The following SLC10A7 variants were observed in gnomAD, a reference collection of about 807,000 sequenced individuals.
The protein encoded by SLC10A7 is sodium/bile acid cotransporter 7.
In SLC10A7, 29 loss-of-function variants were observed where a neutral mutation model predicts 43.2. The ratio of observed to expected loss-of-function variants is 0.67; its 90% confidence interval spans 0.50 to 0.92. The LOEUF (loss-of-function observed/expected upper bound fraction) is 0.92. Ranked by LOEUF, SLC10A7 falls within the 40% of genes least tolerant of loss-of-function variation. The pLI, the probability that SLC10A7 is intolerant of heterozygous loss-of-function variation, is 0.00. For missense variants in SLC10A7, 295 were observed against 403.2 expected (o/e 0.73, Z 2.30); for synonymous variants, 152 against 144.8 (o/e 1.05, Z -0.35).
At chr4:146,288,424 G>A (rs958415546) in intron 9 of SLC10A7, among the ~76,000 whole-genome samples, 3 of 152,122 alleles carry the variant, frequency 2.0e-5, no homozygotes, top group African/African-American at 7.2e-5. Flanking sequence ...TTCCAAAAAC[G>A]GAACTGGAAA....
chr4:146,425,897 C>T (rs1729313705), intron 5 of SLC10A7, among the ~76,000 whole-genome samples: 1 of 152,184 alleles, frequency 6.6e-6, no homozygotes, highest in African/African-American at 2.4e-5. Flanking sequence ...TGAGAATTAC[C>T]TCCCTACCTC....
intron 5 of SLC10A7, among the ~76,000 whole-genome samples, chr4:146,416,364 T>A (rs183335399): frequency 1.3e-5 from 2 of 152,312 alleles, no homozygotes; most frequent in Admixed American, 6.5e-5. Flanking sequence ...TGACGTACTT[T>A]AAAATATTTG....
chr4:146,320,958 T>C (rs558978782), intron 6 of SLC10A7, among the ~76,000 whole-genome samples: 21 of 152,054 alleles, frequency 1.4e-4, no homozygotes, highest in Admixed American at 8.5e-4. Context: ...CAGGTTTTGA[T>C]TGGAGCAAGA....
chr4:146,331,601 T>C (rs1733540549), intron 5 of SLC10A7, among the ~76,000 whole-genome samples: 1 of 152,200 alleles, frequency 6.6e-6, no homozygotes, highest in Admixed American at 6.5e-5. Context: ...TTCAGTTAAA[T>C]AAATGTTTGA....
intron 4 of SLC10A7, among the ~76,000 whole-genome samples, chr4:146,500,514 T>C (rs1736300529): frequency 6.6e-6 from 1 of 152,156 alleles, no homozygotes; most frequent in South Asian, 2.1e-4. Flanking sequence ...TTATTATAAA[T>C]AAACAGCCCA....
Position 146,376,731 on chromosome 4 carries a change from A to C in SLC10A7, c.436-50735T>G, listed in dbSNP as rs182981093. On this transcript the variant is annotated intron_variant, in intron 5 of 11. Coordinates refer to ENST00000335472, the MANE Select transcript of SLC10A7 (RefSeq NM_001029998.6). ...ATTTCTTCAGCAAGGCCATTTTTAT[A>C]CTTTCTGCAGAAAGGGTACACTCAC... Among the ~76,000 whole-genome samples the C allele has an allele frequency of 1.5e-3, 235 of 152,260 alleles. 1 individual carries two copies. Among genetic ancestry groups the C allele is most frequent in the African/African-American group, 5.3e-3 (222 of 41,538 alleles).
At chr4:146,364,993 CAG>C (rs1030199861) in intron 5 of SLC10A7, among the ~76,000 whole-genome samples, 46 of 152,218 alleles carry the variant, frequency 3.0e-4, no homozygotes, top group African/African-American at 1.1e-3. Context: ...CTGCTCTCAT[CAG>C]AGAGTATCTA....
At position 146,283,233 on chromosome 4, in the gene SLC10A7, A is replaced by G. The variant is rs989678743; in HGVS notation, c.806T>C (p.Val269Ala). 10 of 1,613,540 alleles carry G rather than the reference A, an allele frequency of 6.2e-6. No individual in the cohort carries two copies. In the Middle Eastern group the frequency reaches 6.6e-4, roughly 107 times the overall value. The change falls in exon 10 of 12, where the codon GTG becomes GCG. Residue 269 changes from valine (V) to alanine (A), a missense_variant. Coordinates refer to ENST00000335472, the MANE Select transcript of SLC10A7 (RefSeq NM_001029998.6). ...NNSGFTPADT[V>A]AIIFCSTHKS... is the part of the protein sequence containing the mutation. ...GTGTGTAGAACAGAAAATGATAGCC[A>G]CTGTGTCTGCTGGTGTGAAACCCGA...
At chr4:146,328,661 C>T (rs1048859288) in intron 5 of SLC10A7, among the ~76,000 whole-genome samples, 3 of 152,104 alleles carry the variant, frequency 2.0e-5, no homozygotes, top group Non-Finnish European at 2.9e-5. Flanking sequence ...AGTCCCTATC[C>T]CCCAAAATGC....
At chr4:146,421,806 T>C (rs1212059887) in intron 5 of SLC10A7, among the ~76,000 whole-genome samples, 1 of 152,220 alleles carries the variant, frequency 6.6e-6, no homozygotes, top group Non-Finnish European at 1.5e-5. Context: ...CAGGTTGACC[T>C]TCTCCACTTG....
Position 146,319,050 on chromosome 4 carries a change from A to C in SLC10A7, c.471+6911T>G, listed in dbSNP as rs550170682. 3.9e-5 allele frequency among the ~76,000 whole-genome samples: 6 copies of C among 152,124 alleles called. No individual in the cohort carries two copies. The South Asian group carries it at 1.2e-3, about 32-fold the overall frequency. On this transcript the variant is annotated intron_variant, in intron 6 of 11. Coordinates refer to ENST00000335472, the MANE Select transcript of SLC10A7 (RefSeq NM_001029998.6). ...AATCTGTTCTCAGTCCAGCATCCAG[A>C]ATCATTCTTTAAAAAAGTACAGCAG...
intron 6 of SLC10A7, among the ~76,000 whole-genome samples, chr4:146,318,397 C>T (rs1296497304): frequency 6.6e-6 from 1 of 152,058 alleles, no homozygotes; most frequent in Non-Finnish European, 1.5e-5. Context: ...TTAGCAGCAA[C>T]TGAAGTAGTT....
At chr4:146,414,524 G>A (rs1728433329) in intron 5 of SLC10A7, among the ~76,000 whole-genome samples, 1 of 152,060 alleles carries the variant, frequency 6.6e-6, no homozygotes, top group South Asian at 2.1e-4. Context: ...AGGAGTTCGA[G>A]ACTAGCCTGG....
chr4:146,467,828 G>T (rs1733185120), intron 4 of SLC10A7, among the ~76,000 whole-genome samples: 1 of 152,132 alleles, frequency 6.6e-6, no homozygotes, highest in South Asian at 2.1e-4. Flanking sequence ...CTCCCAAAGT[G>T]CTGGGATTAC....
chr4:146,388,797 C>G (rs1252287608), intron 5 of SLC10A7, among the ~76,000 whole-genome samples: 1 of 150,338 alleles, frequency 6.7e-6, no homozygotes, highest in Admixed American at 6.6e-5. Context: ...TAGAAGAAAA[C>G]CTAGGAAAGA....
At chr4:146,450,565 G>A (rs541170783) in intron 4 of SLC10A7, among the ~76,000 whole-genome samples, 2 of 152,286 alleles carry the variant, frequency 1.3e-5, no homozygotes, top group African/African-American at 4.8e-5. Context: ...ACAGGCTTTG[G>A]CCTGCAAAGG....
At chr4:146,521,498 TG>T in intron 1 of SLC10A7, 119 bp downstream of exon 1, 1 of 759,922 alleles carries the variant, frequency 1.3e-6, no homozygotes, top group Non-Finnish European at 2.2e-6. Flanking sequence ...GGCCAAAGGC[TG>T]GTCAGTGCCC....
intron 6 of SLC10A7, among the ~76,000 whole-genome samples, chr4:146,315,635 CTG>C (rs1732276121): frequency 6.6e-6 from 1 of 152,106 alleles, no homozygotes; most frequent in African/African-American, 2.4e-5. Flanking sequence ...TGAAATATAA[CTG>C]TGAAATTATA....
intron 4 of SLC10A7, among the ~76,000 whole-genome samples, chr4:146,469,767 C>A (rs1733392315): frequency 6.6e-6 from 1 of 152,014 alleles, no homozygotes; most frequent in African/African-American, 2.4e-5. Flanking sequence ...TAGTTTGGAC[C>A]ACAGGTGCAT....
Sources: allele counts gnomAD v4.1 joint callset (sites outside exome capture counted in the v4.1 genomes callset), GRCh38; gene constraint gnomAD v4.1.1; transcripts MANE v1.5; gene names NCBI Gene and HGNC (gene_info 2026-07-23, HGNC 2026-07-21).